The following C13orf42 variants were observed in gnomAD, a reference collection of about 807,000 sequenced individuals.
C13orf42 encodes the protein uncharacterized protein C13orf42.
intron 1 of C13orf42, among the ~76,000 whole-genome samples, chr13:51,160,346 T>C (rs917746782): frequency 2.6e-5 from 4 of 152,146 alleles, no homozygotes; most frequent in African/African-American, 7.2e-5. Context: ...CCATTTCTAC[T>C]AAAAATACAA....
intron 3 of C13orf42, 114 bp downstream of exon 3, chr13:51,085,204 TA>T: frequency 4.2e-6 from 1 of 239,394 alleles, no homozygotes; most frequent in Non-Finnish European, 7.7e-6. Flanking sequence ...TATATATATA[TA>T]TATATGAATA....
intron 1 of C13orf42, among the ~76,000 whole-genome samples, chr13:51,141,165 T>G: frequency 6.9e-6 from 1 of 144,170 alleles, no homozygotes. Context: ...TAAAAGGCCT[T>G]TGTATTTTGG....
intron 1 of C13orf42, among the ~76,000 whole-genome samples, chr13:51,136,238 A>G (rs1017430035): frequency 1.3e-5 from 2 of 152,080 alleles, no homozygotes; most frequent in Non-Finnish European, 2.9e-5. Context: ...AATGCTCACA[A>G]CCACCTGCAT....
At chr13:51,116,868 G>A (rs896412524) in intron 1 of C13orf42, among the ~76,000 whole-genome samples, 1 of 152,174 alleles carries the variant, frequency 6.6e-6, no homozygotes, top group African/African-American at 2.4e-5. Flanking sequence ...CTCTCCACAT[G>A]GTCTCTCCAG....
At chr13:51,128,831 G>T (rs538334608) in intron 1 of C13orf42, among the ~76,000 whole-genome samples, 1 of 152,330 alleles carries the variant, frequency 6.6e-6, no homozygotes, top group African/African-American at 2.4e-5. Context: ...AGGCCGAAAG[G>T]TTACATAGCT....
At chr13:51,128,032 C>T (rs1271925210) in intron 1 of C13orf42, among the ~76,000 whole-genome samples, 1 of 152,234 alleles carries the variant, frequency 6.6e-6, no homozygotes, top group Non-Finnish European at 1.5e-5. Flanking sequence ...CAACAAGAAT[C>T]ACCTCTGGTC....
chr13:51,120,735 T>C (rs1284044377), intron 1 of C13orf42, among the ~76,000 whole-genome samples: 2 of 152,068 alleles, frequency 1.3e-5, no homozygotes, highest in Admixed American at 1.3e-4. Flanking sequence ...ATGCCCGTCA[T>C]AGGTGAGGTG....
intron 1 of C13orf42, among the ~76,000 whole-genome samples, chr13:51,171,243 G>A (rs911321830): frequency 1.3e-5 from 2 of 152,046 alleles, no homozygotes; most frequent in East Asian, 1.9e-4. Context: ...CTGCAATGCC[G>A]TTTGACCCCA....
Position 51,088,061 on chromosome 13 carries a change from C to A in C13orf42, c.429G>T (p.Lys143Asn). 2 of 398,784 alleles carry A rather than the reference C, an allele frequency of 5.0e-6. No individual in the cohort carries two copies. The highest frequency in any genetic ancestry group is 4.4e-6 in the Non-Finnish European group (1 of 226,170). 24.7% of individuals were successfully genotyped at this position (398,784 alleles called of 1,614,324 possible). A position where few individuals can be genotyped will look rare whatever the true frequency, so the allele number is the denominator to read the frequency against. The change falls in exon 2 of 4, where the codon AAG (lysine) becomes AAT (asparagine). Residue 143 changes from lysine to asparagine, a missense_variant. Coordinates refer to ENST00000563710, the MANE Select transcript of C13orf42 (RefSeq NM_001351589.3). Reference sequence around the variant, plus strand: ...CATCAGCACTGAACTGCGAGTATTTCTTTGGGGTTGCTTTCTGCAAGAGGT... The same window carrying A: ...CATCAGCACTGAACTGCGAGTATTTATTTGGGGTTGCTTTCTGCAAGAGGT... ...TPKEIKKATP[K>N]KYSQFSADVA...
At chr13:51,114,196 G>C (rs1047561687), upstream of C13orf42, among the ~76,000 whole-genome samples, 1 of 152,184 alleles carries the variant, frequency 6.6e-6, no homozygotes, top group Non-Finnish European at 1.5e-5. Flanking sequence ...GGAAGGGCAG[G>C]CCAGGATGAG....
chr13:51,156,905 A>T (rs529858667), intron 1 of C13orf42, among the ~76,000 whole-genome samples: 1 of 152,352 alleles, frequency 6.6e-6, no homozygotes, highest in African/African-American at 2.4e-5. Context: ...ACCCAGTGCC[A>T]TAGGTGGCTG....
At chr13:51,135,334 C>T (rs1953649585) in intron 1 of C13orf42, among the ~76,000 whole-genome samples, 1 of 152,168 alleles carries the variant, frequency 6.6e-6, no homozygotes, top group African/African-American at 2.4e-5. Context: ...GACCTCCGAG[C>T]CTTTGCTTAA....
At chr13:51,111,602 C>T (rs549872941), upstream of C13orf42, among the ~76,000 whole-genome samples, 1 of 152,292 alleles carries the variant, frequency 6.6e-6, no homozygotes, top group South Asian at 2.1e-4. Context: ...CACTTTCCAT[C>T]GCTGGCCATG....
At chr13:51,092,507 T>C (rs1463255611) in intron 1 of C13orf42, among the ~76,000 whole-genome samples, 3 of 152,270 alleles carry the variant, frequency 2.0e-5, no homozygotes, top group Admixed American at 6.5e-5. Context: ...TTCTTTATAA[T>C]TTATAATTTT....
At chr13:51,117,241 A>T (rs528937796) in intron 1 of C13orf42, among the ~76,000 whole-genome samples, 1 of 152,336 alleles carries the variant, frequency 6.6e-6, no homozygotes, top group Non-Finnish European at 1.5e-5. Flanking sequence ...TATATATCCT[A>T]GTCAGTTTAT....
intron 1 of C13orf42, among the ~76,000 whole-genome samples, chr13:51,171,396 C>T (rs1953950246): frequency 6.6e-6 from 1 of 152,152 alleles, no homozygotes; most frequent in African/African-American, 2.4e-5. Context: ...CACATCAGTC[C>T]CTTCCTAGTC....
chr13:51,102,447 G>A (rs1953304701), intron 1 of C13orf42, among the ~76,000 whole-genome samples: 2 of 152,168 alleles, frequency 1.3e-5, no homozygotes, highest in South Asian at 4.1e-4. Flanking sequence ...GGCCTTAATA[G>A]AAAATTATTC....
At chr13:51,128,486 C>G (rs1372453449) in intron 1 of C13orf42, among the ~76,000 whole-genome samples, 1 of 152,186 alleles carries the variant, frequency 6.6e-6, no homozygotes, top group Non-Finnish European at 1.5e-5. Flanking sequence ...GATTGGGTTA[C>G]AGGCCCAACT....
At chr13:51,106,911 C>T (rs547548884) in intron 1 of C13orf42, among the ~76,000 whole-genome samples, 4 of 152,230 alleles carry the variant, frequency 2.6e-5, no homozygotes, top group Non-Finnish European at 5.9e-5. Context: ...AAAACCCTCA[C>T]GTACGGATTT....
Sources: allele counts gnomAD v4.1 joint callset (sites outside exome capture counted in the v4.1 genomes callset), GRCh38; gene constraint gnomAD v4.1.1; transcripts MANE v1.5; gene names NCBI Gene and HGNC (gene_info 2026-07-23, HGNC 2026-07-21).